Variants in ARL15 observed in about 807,000 individuals in gnomAD.
ARL15 encodes the protein ARF like GTPase 15, also known as ADP-ribosylation factor-like protein 15.
Under a neutral mutation model 25.2 loss-of-function variants are expected in ARL15, and 19 were observed. The ratio of observed to expected loss-of-function variants is 0.75; its 90% confidence interval spans 0.53 to 1.10. The LOEUF is 1.10. Among genes scored for constraint, ARL15 ranks in the 50% least tolerant of loss-of-function variants. ARL15 has a pLI of 0.00. For missense variants in ARL15, 220 were observed against 246.0 expected (o/e 0.89, Z 0.71); for synonymous variants, 94 against 86.8 (o/e 1.08, Z -0.46).
At chr5:54,055,136 A>G (rs1663046578) in intron 4 of ARL15, among the ~76,000 whole-genome samples, 1 of 152,104 alleles carries the variant, frequency 6.6e-6, no homozygotes, top group African/African-American at 2.4e-5. Flanking sequence ...ACTCATTGGC[A>G]GTCAAATCCC....
intron 2 of ARL15, among the ~76,000 whole-genome samples, chr5:54,155,778 CAGGAAA>C (rs1754214596): frequency 6.6e-6 from 1 of 152,012 alleles, no homozygotes; most frequent in Non-Finnish European, 1.5e-5. Context: ...TAATGACTCT[CAGGAAA>C]ACTGGGAATC....
chr5:53,943,146 G>A (rs971959618), intron 4 of ARL15, among the ~76,000 whole-genome samples: 2 of 152,066 alleles, frequency 1.3e-5, no homozygotes, highest in Non-Finnish European at 2.9e-5. Flanking sequence ...GATAAGAAGG[G>A]ATTTTTAAAA....
chr5:54,159,644 T>G (rs1039397873), intron 2 of ARL15, among the ~76,000 whole-genome samples: 5 of 152,200 alleles, frequency 3.3e-5, no homozygotes, highest in African/African-American at 1.2e-4. Context: ...TTCAAACAAT[T>G]TGATGGCTGA....
chr5:54,135,981 GA>G, intron 3 of ARL15, among the ~76,000 whole-genome samples: 1 of 152,282 alleles, frequency 6.6e-6, no homozygotes, highest in East Asian at 1.9e-4. Context: ...AGTGATGGTA[GA>G]AAATCTGGAA....
chr5:54,101,302 A>G (rs1752431289), intron 4 of ARL15, among the ~76,000 whole-genome samples: 1 of 152,122 alleles, frequency 6.6e-6, no homozygotes, highest in African/African-American at 2.4e-5. Context: ...CAAAATTTTG[A>G]CTAACTAGAG....
At chr5:54,195,258 C>A (rs887667972) in intron 1 of ARL15, among the ~76,000 whole-genome samples, 7 of 152,086 alleles carry the variant, frequency 4.6e-5, no homozygotes, top group Non-Finnish European at 8.8e-5. Context: ...CAAGATAGAT[C>A]CTATATTCAG....
rs572618347 is a variant in ARL15, at chr5:53,957,194, T to C, written c.463-70481A>G. ...AGCCAAGGAATTTTGAAACAAGGTA[T>C]TTTTAAAGCAACAAGATGAGAGAAG... On this transcript the variant is annotated intron_variant, in intron 4 of 4. Transcript: ENST00000504924. Among the ~76,000 whole-genome samples, 4 of 152,228 alleles carry C rather than the reference T, an allele frequency of 2.6e-5. No homozygotes were observed. In the East Asian group the frequency reaches 5.8e-4, roughly 22 times the overall value.
chr5:54,232,353 T>C (rs1439049503), intron 1 of ARL15, among the ~76,000 whole-genome samples: 2 of 152,188 alleles, frequency 1.3e-5, no homozygotes. Context: ...GCTCTTTCAA[T>C]AAATATCATT....
intron 4 of ARL15, among the ~76,000 whole-genome samples, chr5:53,910,633 T>TA (rs1491507286): frequency 2.3e-3 from 125 of 54,968 alleles, no homozygotes; most frequent in African/African-American, 8.5e-3. Context: ...TAAAAAAAAA[T>TA]TATATATATA....
intron 4 of ARL15, among the ~76,000 whole-genome samples, chr5:54,044,623 A>C (rs1380461512): frequency 3.9e-5 from 6 of 152,328 alleles, no homozygotes; most frequent in East Asian, 1.9e-4. Flanking sequence ...AAAACATTGT[A>C]TCTCTCATAC....
chr5:54,001,058 T>G (rs1241586741), intron 4 of ARL15, among the ~76,000 whole-genome samples: 1 of 152,184 alleles, frequency 6.6e-6, no homozygotes. Flanking sequence ...GATAAAACTT[T>G]ATATTTTAGT....
chr5:54,184,281 A>G (rs1579885850), intron 1 of ARL15, among the ~76,000 whole-genome samples: 1 of 127,976 alleles, frequency 7.8e-6, no homozygotes, highest in Non-Finnish European at 1.7e-5. Context: ...AAAAAAAAAG[A>G]AAAATTTAAA....
chr5:54,072,604 G>T (rs1751461758), intron 4 of ARL15, among the ~76,000 whole-genome samples: 1 of 152,016 alleles, frequency 6.6e-6, no homozygotes, highest in Non-Finnish European at 1.5e-5. Context: ...AAATTCTCTA[G>T]GGAAAAAAAT....
chr5:54,201,967 G>A (rs1216860771), intron 1 of ARL15, among the ~76,000 whole-genome samples: 1 of 152,016 alleles, frequency 6.6e-6, no homozygotes, highest in African/African-American at 2.4e-5. Context: ...AAGCAAGAAG[G>A]AATTCCCTCA....
intron 4 of ARL15, among the ~76,000 whole-genome samples, chr5:54,013,082 G>T (rs930523967): frequency 6.6e-6 from 1 of 152,188 alleles, no homozygotes; most frequent in Non-Finnish European, 1.5e-5. Context: ...TTACAGGTGT[G>T]AGCCACCACG....
chr5:53,908,071 G>A (rs766557098), intron 4 of ARL15, among the ~76,000 whole-genome samples: 2 of 152,192 alleles, frequency 1.3e-5, no homozygotes, highest in South Asian at 2.1e-4. Context: ...TTCGCTTTCC[G>A]TGGTTTCATT....
chr5:54,298,061 G>A (rs920004113), intron 1 of ARL15, among the ~76,000 whole-genome samples: 3 of 152,298 alleles, frequency 2.0e-5, no homozygotes, highest in South Asian at 4.1e-4. Flanking sequence ...GATTACAGGC[G>A]TGAGAAAGTA....
intron 1 of ARL15, among the ~76,000 whole-genome samples, chr5:54,205,715 C>A (rs755359666): frequency 2.0e-5 from 3 of 152,154 alleles, no homozygotes; most frequent in Non-Finnish European, 4.4e-5. Context: ...AACTTAAATT[C>A]TGCTGTGGAG....
chr5:53,985,126 G>A (rs1262398482), intron 4 of ARL15, among the ~76,000 whole-genome samples: 1 of 152,040 alleles, frequency 6.6e-6, no homozygotes, highest in Admixed American at 6.6e-5. Context: ...TGCAAATGTT[G>A]TACTCACAAT....
Sources: gnomAD v4.1 joint callset for allele counts (sites outside exome capture counted in the v4.1 genomes callset) on GRCh38, gnomAD v4.1.1 for gene constraint, MANE v1.5 for transcripts, NCBI Gene and HGNC (gene_info 2026-07-23, HGNC 2026-07-21) for gene names.